SYNE1: variants seen among roughly 807,000 people sequenced by gnomAD.
The protein encoded by SYNE1 is nesprin-1.
SYNE1 carries 616 observed loss-of-function variants against 1,111.0 expected under a neutral mutation model. The observed-to-expected ratio is 0.55, with a 90% confidence interval of 0.52 to 0.59. SYNE1 has a LOEUF of 0.59. Among genes scored for constraint, SYNE1 ranks in the 20% least tolerant of loss-of-function variants. SYNE1 has a pLI of 0.00. For missense variants in SYNE1, 10,006 were observed against 10,417.0 expected (o/e 0.96, Z 1.72); for synonymous variants, 3,855 against 3,825.8 (o/e 1.01, Z -0.28).
intron 45 of SYNE1, 50 bp downstream of exon 45, chr6:152,406,964 C>A (rs1245351085): frequency 2.2e-6 from 3 of 1,383,088 alleles, no homozygotes; most frequent in African/African-American, 1.5e-5. Flanking sequence ...TTTTCATATT[C>A]TGGTCAACAA....
chr6:152,158,271 T>A (rs1007887592), intron 131 of SYNE1, among the ~76,000 whole-genome samples: 1 of 152,182 alleles, frequency 6.6e-6, no homozygotes, highest in Non-Finnish European at 1.5e-5. Flanking sequence ...TCATTTTTTG[T>A]TTACTATATT....
intron 3 of SYNE1, among the ~76,000 whole-genome samples, chr6:152,618,168 T>C (rs528067465): frequency 5.3e-5 from 8 of 152,172 alleles, no homozygotes; most frequent in Non-Finnish European, 8.8e-5. Flanking sequence ...TTGTAAGAAT[T>C]CCACTTTTTT....
chr6:152,463,814 T>C (rs1326054934), intron 18 of SYNE1, among the ~76,000 whole-genome samples: 4 of 152,184 alleles, frequency 2.6e-5, no homozygotes, highest in Admixed American at 2.0e-4. Flanking sequence ...TTTCTGTAAG[T>C]GTAAGAGACC....
chr6:152,199,404 G>A (rs536928690), intron 127 of SYNE1, among the ~76,000 whole-genome samples: 1 of 152,248 alleles, frequency 6.6e-6, no homozygotes, highest in Non-Finnish European at 1.5e-5. Context: ...GAGAAGATCT[G>A]TTGCTGTTAC....
At chr6:152,468,807 A>C (rs539401682) in intron 16 of SYNE1, among the ~76,000 whole-genome samples, 9 of 152,092 alleles carry the variant, frequency 5.9e-5, no homozygotes, top group African/African-American at 2.2e-4. Context: ...ATAGGGTCTC[A>C]CTCTGTAGCT....
At chr6:152,352,452 G>C (rs2096758608) in intron 69 of SYNE1, 99 bp from the exon 70 acceptor site, 1 of 1,261,124 alleles carries the variant, frequency 7.9e-7, no homozygotes, top group Non-Finnish European at 1.1e-6. Flanking sequence ...ACCCAGGCTA[G>C]AGTGCAGTGG....
intron 127 of SYNE1, among the ~76,000 whole-genome samples, chr6:152,198,405 T>C (rs2074635421): frequency 6.6e-6 from 1 of 152,178 alleles, no homozygotes; most frequent in Non-Finnish European, 1.5e-5. Context: ...GTATCAGCAA[T>C]AAGGATGTTT....
intron 95 of SYNE1, among the ~76,000 whole-genome samples, chr6:152,291,600 G>T (rs2094608608): frequency 6.6e-6 from 1 of 152,168 alleles, no homozygotes; most frequent in Non-Finnish European, 1.5e-5. Flanking sequence ...TGGTGGTGCT[G>T]ATTGGAAGCT....
At chr6:152,249,403 G>T (rs548425872) in intron 104 of SYNE1, 141 bp from the exon 105 acceptor site, 23 of 692,590 alleles carry the variant, frequency 3.3e-5, no homozygotes, top group Middle Eastern at 2.9e-4. Context: ...CTATGGGAAG[G>T]TAAAAGGAAC....
intron 56 of SYNE1, chr6:152,380,669 C>T: frequency 3.0e-6 from 1 of 330,000 alleles, no homozygotes; most frequent in Non-Finnish European, 5.7e-6. Flanking sequence ...AGCTATGACT[C>T]TCTGTCTATT....
At chr6:152,490,998 C>T (rs962662680) in intron 11 of SYNE1, among the ~76,000 whole-genome samples, 9 of 152,248 alleles carry the variant, frequency 5.9e-5, no homozygotes, top group Non-Finnish European at 1.2e-4. Flanking sequence ...CACATTTTAT[C>T]TGTGGACACA....
rs548583278 is a variant in SYNE1, at chr6:152,532,215, C to CAGCT, written c.130-6044_130-6041dup. Among the ~76,000 whole-genome samples the CAGCT allele has an allele frequency of 2.0e-3, 301 of 152,198 alleles. 1 individual carries two copies. Among genetic ancestry groups the CAGCT allele is most frequent in the African/African-American group, 6.8e-3 (282 of 41,532 alleles). ...AGAATCCGTATTGACCAATATCATGCAGCTATAAAGTAGATTTTCAGTATT... is the reference window on the plus strand; with the variant it reads ...AGAATCCGTATTGACCAATATCATGCAGCTAGCTATAAAGTAGATTTTCAGTATT... On this transcript the variant is annotated intron_variant, in intron 4 of 145. Transcript: ENST00000367255.
chr6:152,142,720 A>C (rs1308492200), intron 138 of SYNE1, among the ~76,000 whole-genome samples: 1 of 152,252 alleles, frequency 6.6e-6, no homozygotes, highest in Admixed American at 6.5e-5. Context: ...TGGTTTCACT[A>C]TAATAGAAGT....
intron 22 of SYNE1, chr6:152,456,883 TTTTG>T (rs926060180): frequency 3.0e-5 from 8 of 266,922 alleles, no homozygotes; most frequent in Non-Finnish European, 6.1e-5. Context: ...AGCATGGTTT[TTTTG>T]TTTGTTTGTT....
chr6:152,482,947 C>A (rs1393097721), intron 14 of SYNE1, 138 bp downstream of exon 14: 1 of 975,394 alleles, frequency 1.0e-6, no homozygotes, highest in African/African-American at 1.6e-5. Flanking sequence ...AATTAGAGAA[C>A]TCTAAGAAGG....
intron 104 of SYNE1, among the ~76,000 whole-genome samples, chr6:152,251,743 A>G (rs1030147274): frequency 1.3e-5 from 2 of 152,078 alleles, no homozygotes; most frequent in South Asian, 4.2e-4. Flanking sequence ...TGGGTGACAG[A>G]GCGAGACTCC....
At chr6:152,173,980 C>T (rs1327879852) in intron 130 of SYNE1, among the ~76,000 whole-genome samples, 8 of 152,200 alleles carry the variant, frequency 5.3e-5, no homozygotes, top group Admixed American at 5.2e-4. Flanking sequence ...TTCAAGGAGA[C>T]AGCAGCAAAC....
Position 152,242,253 on chromosome 6 carries a change from A to T in SYNE1, c.19880T>A (p.Leu6627His). The change falls in exon 107 of 146, where the codon CTT becomes CAT. Residue 6627 changes from leucine (L) to histidine (H), a missense_variant. Leu to His is a moderately conservative substitution (Grantham distance 99). Coordinates refer to ENST00000367255, the MANE Select transcript of SYNE1 (RefSeq NM_182961.4). ...VSSKEEIQQLLDKHKEYFQGL... is the reference protein window; with the variant it reads ...VSSKEEIQQLHDKHKEYFQGL... Reference sequence around the variant, plus strand: ...TTTGTTATGTACCTTATGTTTGTCAAGTAGTTGCTGGATTTCCTCTTTGGA... The same window carrying T: ...TTTGTTATGTACCTTATGTTTGTCATGTAGTTGCTGGATTTCCTCTTTGGA... The T allele has an allele frequency of 6.2e-7, 1 of 1,613,954 alleles. No individual in the cohort carries two copies. The highest frequency in any genetic ancestry group is 8.5e-7 in the Non-Finnish European group (1 of 1,179,942).
chr6:152,532,406 A>T (rs934617404), intron 4 of SYNE1, among the ~76,000 whole-genome samples: 4 of 152,190 alleles, frequency 2.6e-5, no homozygotes, highest in Non-Finnish European at 5.9e-5. Context: ...AAAAAGCTAC[A>T]ATATTTTACT....
Sources: gnomAD v4.1 joint callset for allele counts (sites outside exome capture counted in the v4.1 genomes callset) on GRCh38, gnomAD v4.1.1 for gene constraint, MANE v1.5 for transcripts, NCBI Gene and HGNC (gene_info 2026-07-23, HGNC 2026-07-21) for gene names.